The following DPH6 variants were observed in gnomAD, a reference collection of about 807,000 sequenced individuals.
The protein encoded by DPH6 is diphthamine biosynthesis 6, also known as diphthine--ammonia ligase.
DPH6 carries 33 observed loss-of-function variants against 38.2 expected under a neutral mutation model. That is an observed-to-expected ratio of 0.86 (90% CI 0.65 to 1.15). The LOEUF is 1.15. Among genes scored for constraint, DPH6 ranks in the 50% most tolerant of loss-of-function variants. The pLI is 0.00. For synonymous variants in DPH6, 108 were observed against 103.0 expected, an observed-to-expected ratio of 1.05 and a Z score of -0.30; for missense variants, 325 against 320.0, an observed-to-expected ratio of 1.02 and a Z score of -0.12.
At chr15:35,332,021 A>C (rs1309301851) in intron 3 of DPH6, among the ~76,000 whole-genome samples, 1 of 152,216 alleles carries the variant, frequency 6.6e-6, no homozygotes, top group Non-Finnish European at 1.5e-5. Context: ...ATAGGACAAC[A>C]GCACACAATG....
At chr15:35,542,592 A>G in intron 1 of DPH6, 85 bp from the exon 2 acceptor site, 1 of 1,247,890 alleles carries the variant, frequency 8.0e-7, no homozygotes, top group South Asian at 1.6e-5. Context: ...AACAGAACAT[A>G]TCATTTACTT....
At chr15:35,288,351 T>C (rs2051957254) in intron 3 of DPH6, among the ~76,000 whole-genome samples, 1 of 152,194 alleles carries the variant, frequency 6.6e-6, no homozygotes, top group African/African-American at 2.4e-5. Flanking sequence ...ATTTTACTTT[T>C]AGGAAAAAGG....
At chr15:35,538,649 C>T (rs1471286310) in intron 2 of DPH6, among the ~76,000 whole-genome samples, 182 bp from the exon 3 acceptor site, 2 of 152,116 alleles carry the variant, frequency 1.3e-5, no homozygotes, top group Non-Finnish European at 2.9e-5. Flanking sequence ...TCTGTAGTTG[C>T]ATCTAGTTCA....
At chr15:35,193,790 C>A in the DPH6 span, among the ~76,000 whole-genome samples, 1 of 152,240 alleles carries the variant, frequency 6.6e-6, no homozygotes, top group East Asian at 1.9e-4. Flanking sequence ...TTAGTCAATA[C>A]TAAACCAATA....
intron 3 of DPH6, among the ~76,000 whole-genome samples, chr15:35,477,450 T>C (rs1403263095): frequency 1.3e-5 from 2 of 151,806 alleles, no homozygotes; most frequent in Admixed American, 6.6e-5. Flanking sequence ...AAAGGCTGCA[T>C]GGTATCAGTG....
At chr15:35,350,796 G>T (rs1392536310) in intron 3 of DPH6, among the ~76,000 whole-genome samples, 1 of 152,144 alleles carries the variant, frequency 6.6e-6, no homozygotes, top group African/African-American at 2.4e-5. Flanking sequence ...AGAGAAGATA[G>T]ATGGTATGAT....
In DPH6 at chr15:35,476,047, A is replaced by T. The variant is rs568939730; in HGVS notation, c.313-21227T>A. Among the ~76,000 whole-genome samples the T allele has an allele frequency of 8.6e-5, 13 of 151,936 alleles. 1 individual carries two copies. The highest frequency in any genetic ancestry group is 5.8e-4 in the East Asian group (3 of 5,186). Reference sequence around the variant, plus strand: ...TACAGAAGAAAAGAAAATATTTTGGAAAGAGAAGGCTAATTTATAAAAATT... The same window carrying T: ...TACAGAAGAAAAGAAAATATTTTGGTAAGAGAAGGCTAATTTATAAAAATT... On this transcript the variant is annotated intron_variant, in intron 3 of 8. Transcript: ENST00000256538.
At chr15:35,349,016 C>A (rs567153054) in intron 3 of DPH6, among the ~76,000 whole-genome samples, 1 of 152,050 alleles carries the variant, frequency 6.6e-6, no homozygotes, top group East Asian at 1.9e-4. Flanking sequence ...CTGAAATTTA[C>A]GAATTCATTT....
rs1285641693 is a variant in DPH6, at chr15:35,372,151, C to A, written c.803G>T (p.Ter268LeuextTer9). 12 of 1,510,582 alleles carry A rather than the reference C, an allele frequency of 7.9e-6. No homozygotes were observed. The highest frequency in any genetic ancestry group is 1.3e-5 in the South Asian group (1 of 74,578). The allele number at this position is 1,510,582 out of a possible 1,614,324, so 93.6% of individuals were successfully genotyped here. A position where few individuals can be genotyped will look rare whatever the true frequency, so the allele number is the denominator to read the frequency against. ...YRTSNYIYNF[*>L] ...ATGAACAATGTTCCAAAACACTTTT[C>A]AAAAATTATATATATAATTAGATGT... The change falls in exon 9 of 9, where the codon TGA becomes TTA. Residue 268 changes from the stop codon to leucine, a stop_lost. Coordinates refer to ENST00000256538, the MANE Select transcript of DPH6 (RefSeq NM_080650.4).
At chr15:35,366,219 TTA>T (rs1236622271), downstream of DPH6, among the ~76,000 whole-genome samples, 1 of 140,936 alleles carries the variant, frequency 7.1e-6, no homozygotes, top group Non-Finnish European at 1.5e-5. Context: ...CCCAACACTT[TTA>T]GTCATCTTGT....
intron 3 of DPH6, among the ~76,000 whole-genome samples, chr15:35,287,402 G>A (rs1330710150): frequency 6.6e-6 from 1 of 152,148 alleles, no homozygotes; most frequent in African/African-American, 2.4e-5. Flanking sequence ...ATTATTTGCA[G>A]TTACTTTCAT....
intron 3 of DPH6, among the ~76,000 whole-genome samples, chr15:35,280,321 T>C (rs1486949324): frequency 6.6e-6 from 1 of 152,194 alleles, no homozygotes; most frequent in Non-Finnish European, 1.5e-5. Flanking sequence ...ACAACATTAG[T>C]AGGCTTCTTC....
At chr15:35,157,110 T>C in the DPH6 span, among the ~76,000 whole-genome samples, 1 of 152,198 alleles carries the variant, frequency 6.6e-6, no homozygotes, top group South Asian at 2.1e-4. Context: ...GAAGGGTGAA[T>C]GCAGATTGTT....
intron 5 of DPH6, among the ~76,000 whole-genome samples, chr15:35,414,670 CCT>C (rs2053413856): frequency 6.6e-6 from 1 of 151,336 alleles, no homozygotes; most frequent in Non-Finnish European, 1.5e-5. Flanking sequence ...CTATTTTTTT[CCT>C]CTGTCTGTGG....
intron 3 of DPH6, among the ~76,000 whole-genome samples, chr15:35,260,925 G>C (rs906303087): frequency 6.6e-6 from 1 of 152,132 alleles, no homozygotes; most frequent in African/African-American, 2.4e-5. Context: ...AATTTTTCTT[G>C]AAGAACTCTA....
chr15:35,351,061 C>T (rs1307571225), intron 3 of DPH6, among the ~76,000 whole-genome samples: 2 of 152,144 alleles, frequency 1.3e-5, no homozygotes, highest in African/African-American at 4.8e-5. Context: ...CTAATTATCC[C>T]TGCAATTCTT....
the DPH6 span, among the ~76,000 whole-genome samples, chr15:35,195,129 C>A: frequency 2.4e-4 from 37 of 152,140 alleles, no homozygotes; most frequent in Non-Finnish European, 3.5e-4. Context: ...TCAGGGAATC[C>A]ATTTTTTTAG....
At chr15:35,413,695 G>GT (rs1001364177) in intron 5 of DPH6, among the ~76,000 whole-genome samples, 5 of 151,298 alleles carry the variant, frequency 3.3e-5, no homozygotes, top group Admixed American at 2.6e-4. Context: ...CATATAATTG[G>GT]ATTTCTTTTG....
chr15:35,250,955 C>A (rs1244514573), intron 3 of DPH6, among the ~76,000 whole-genome samples: 2 of 152,034 alleles, frequency 1.3e-5, no homozygotes, highest in Non-Finnish European at 2.9e-5. Flanking sequence ...ATTTGTGTTA[C>A]CAATAGTTTT....
Sources: gnomAD v4.1 joint callset for allele counts (sites outside exome capture counted in the v4.1 genomes callset) on GRCh38, gnomAD v4.1.1 for gene constraint, MANE v1.5 for transcripts, NCBI Gene and HGNC (gene_info 2026-07-23, HGNC 2026-07-21) for gene names.